MYH8: variants seen among roughly 807,000 people sequenced by gnomAD.
MYH8 encodes myosin heavy chain 8.
In MYH8, 168 loss-of-function variants were observed where a neutral mutation model predicts 233.2. The observed-to-expected ratio is 0.72, with a 90% confidence interval of 0.64 to 0.82. MYH8 has a LOEUF of 0.82. Ranked by LOEUF, MYH8 falls within the 40% of genes least tolerant of loss-of-function variation. The pLI is 0.00. For synonymous variants in MYH8, 785 were observed against 850.6 expected (o/e 0.92, Z 1.34); for missense variants, 1,995 against 2,327.8 (o/e 0.86, Z 2.94).
In MYH8 at chr17:10,398,902, A is replaced by G; in HGVS notation, c.3863-16T>C. On this transcript the variant is annotated splice_polypyrimidine_tract_variant and intron_variant, in intron 28 of 39. Coordinates refer to ENST00000403437, the MANE Select transcript of MYH8 (RefSeq NM_002472.3). ...GAATATTCACCTAGGAATAATAGAC[A>G]TAAGGGAATTTTTTACTGGCATAAA... 7 of 1,600,692 alleles carry G rather than the reference A, an allele frequency of 4.4e-6. No homozygotes were observed. The highest frequency in any genetic ancestry group is 1.1e-5 in the South Asian group (1 of 90,848).
intron 38 of MYH8, 152 bp downstream of exon 38, chr17:10,392,390 T>A: frequency 5.3e-6 from 4 of 755,502 alleles, no homozygotes; most frequent in Non-Finnish European, 9.3e-6. Flanking sequence ...TAAGTTTTAG[T>A]ATAGGTCTGT....
Position 10,400,383 on chromosome 17 carries a change from T to C in MYH8, c.3735+7A>G. On this transcript the variant is annotated splice_region_variant and intron_variant, in intron 27 of 39. Transcript: ENST00000403437. The surrounding 1 kb of genome is among the most constrained non-coding windows in gnomAD (Gnocchi z 4.0). Reference sequence around the variant, plus strand: ...GATTACCTTCATTTAGAGACAGTATTGGGTACCTTGGCTTTGGAAATGGCC... The same window carrying C: ...GATTACCTTCATTTAGAGACAGTATCGGGTACCTTGGCTTTGGAAATGGCC... The C allele has an allele frequency of 6.2e-7, 1 of 1,611,880 alleles. No homozygotes were observed. The highest frequency in any genetic ancestry group is 1.1e-5 in the South Asian group (1 of 91,074).
At chr17:10,410,372 A>G (rs2072233775) in intron 15 of MYH8, among the ~76,000 whole-genome samples, 1 of 152,216 alleles carries the variant, frequency 6.6e-6, no homozygotes, top group South Asian at 2.1e-4. Flanking sequence ...CTTGACTTTG[A>G]ACAGATTGGC....
At chr17:10,409,727 T>C (rs2072228436) in intron 15 of MYH8, 139 bp from the exon 16 acceptor site, 2 of 1,148,344 alleles carry the variant, frequency 1.7e-6, no homozygotes, top group Admixed American at 4.1e-5. Flanking sequence ...CTCGAAGAAG[T>C]CCCTTGTTAT....
chr17:10,394,326 G>T lies in MYH8; in HGVS notation c.5089C>A (p.Gln1697Lys). The stretch of plus-strand genomic sequence containing the variant: ...GCGATTTTCCTGCTTCTCTCTGTCT[G>T]TTCCAGAGTGGCCCACAGCTCCTCG... ...EIEELWATLEQTERSRKIAEQ... is the reference protein window; with the variant it reads ...EIEELWATLEKTERSRKIAEQ... The change falls in exon 35 of 40, where the codon CAG becomes AAG. Residue 1697 changes from glutamine (Q) to lysine (K), a missense_variant. By Grantham distance (53) the Gln-to-Lys change is moderately conservative (BLOSUM62 1). Coordinates refer to ENST00000403437, the MANE Select transcript of MYH8 (RefSeq NM_002472.3). 1 of 1,614,104 alleles carries T rather than the reference G, an allele frequency of 6.2e-7. No homozygotes were observed. Among genetic ancestry groups the T allele is most frequent in the Non-Finnish European group, 8.5e-7 (1 of 1,180,022 alleles).
In MYH8 at chr17:10,398,887, C is replaced by T. The variant is rs2072105082; in HGVS notation, c.3863-1G>A. 1 of 1,609,622 alleles carries T rather than the reference C, an allele frequency of 6.2e-7. No homozygotes were observed. Among genetic ancestry groups the T allele is most frequent in the East Asian group, 2.2e-5 (1 of 44,828 alleles). ...TCATCTAATTGTCGAGAATATTCAC[C>T]TAGGAATAATAGACATAAGGGAATT... On this transcript the variant is annotated splice_acceptor_variant, in intron 28 of 39. Transcript: ENST00000403437. LOFTEE classifies it high-confidence loss of function.
chr17:10,415,370 A>G lies in MYH8; in HGVS notation c.663T>C (p.Asp221=), dbSNP rs769365334. 2 of 1,614,146 alleles carry G rather than the reference A, an allele frequency of 1.2e-6. No individual in the cohort carries two copies. The highest frequency in any genetic ancestry group is 1.1e-5 in the South Asian group (1 of 91,082). The part of the protein sequence containing the change: ...ESGKMQGTLE[D]QIISANPLLE... ...GTAGGGGATTGGCGCTGATGATTTG[A>G]TCTTCCAGAGTCCCCTGCAAAGGAA... is the stretch of plus-strand genomic sequence containing the variant. Residue 221 remains aspartate, a synonymous_variant, in exon 8 of 40, where the codon GAT becomes GAC. Transcript: ENST00000403437. This position sits in a 1 kb window ranked among gnomAD's most constrained non-coding sequence, Gnocchi z 4.1.
At position 10,398,575 on chromosome 17, in the gene MYH8, C is replaced by G. The variant is rs148582560; in HGVS notation, c.4047G>C (p.Gln1349His). 2 of 1,614,218 alleles carry G rather than the reference C, an allele frequency of 1.2e-6. No homozygotes were observed. The highest frequency in any genetic ancestry group is 1.7e-6 in the Non-Finnish European group (2 of 1,180,034). The change falls in exon 30 of 40, where the codon CAG becomes CAC. Residue 1349 changes from glutamine (Q) to histidine (H), a missense_variant. By Grantham distance (24) the Gln-to-His change is conservative. This residue lies in a region of MYH8 where 1,498 missense variants were observed against 1,680.9 expected (regional missense o/e 0.89). Transcript: ENST00000403437. ...SRHDCDLLRE[Q>H]YEEEQEGKAE... ...CTTTGCCTTCCTGCTCTTCCTCATA[C>G]TGTTCCCGCAGCAGGTCGCAGTCAT...
At position 10,406,806 on chromosome 17, in the gene MYH8, C is replaced by T. The variant is rs761674430; in HGVS notation, c.2055G>A (p.Gly685=). 9.9e-5 allele frequency: 159 copies of T among 1,613,916 alleles called. No homozygotes were observed. Among genetic ancestry groups the T allele is most frequent in the Non-Finnish European group, 1.3e-4 (150 of 1,179,964 alleles). The change falls in exon 19 of 40, where the codon GGG becomes GGA. Residue 685 remains glycine, a splice_region_variant and synonymous_variant. Transcript: ENST00000403437. ...GCAACACAAGTTCATGTTCCATTGCCCCTAAAAATATAGAACAGTACTTAT... is the reference window on the plus strand; with the variant it reads ...GCAACACAAGTTCATGTTCCATTGCTCCTAAAAATATAGAACAGTACTTAT... ...CIIPNETKTP[G]AMEHELVLHQ...
At chr17:10,408,489 G>T (rs1324256874) in intron 17 of MYH8, among the ~76,000 whole-genome samples, 1 of 152,128 alleles carries the variant, frequency 6.6e-6, no homozygotes, top group Non-Finnish European at 1.5e-5. Context: ...TACACATTTT[G>T]ATTAAAAAGC....
chr17:10,391,978 C>A lies in MYH8; in HGVS notation c.5569-1G>T. On this transcript the variant is annotated splice_acceptor_variant, in intron 38 of 39. Coordinates refer to ENST00000403437, the MANE Select transcript of MYH8 (RefSeq NM_002472.3). LOFTEE classifies it high-confidence loss of function. ...GAACATTCTTGCGATCTTCTTCAGT[C>A]TGAAAGTTTGAAAAAAATAATCTGC... 6.2e-7 allele frequency: 1 copy of A among 1,613,496 alleles called. No individual in the cohort carries two copies. Among genetic ancestry groups the A allele is most frequent in the Non-Finnish European group, 8.5e-7 (1 of 1,179,458 alleles).
Position 10,400,847 on chromosome 17 carries a change from A to G in MYH8, c.3345+22T>C. On this transcript the variant is annotated intron_variant, in intron 26 of 39. Transcript: ENST00000403437. The surrounding 1 kb of genome is among the most constrained non-coding windows in gnomAD (Gnocchi z 4.0). ...TCAGTGTTTTTTTGGTGTGCAGAAA[A>G]AATAGAGGTGAGATGACTCACCTGC... 6.2e-7 allele frequency: 1 copy of G among 1,613,842 alleles called. No individual in the cohort carries two copies. Among genetic ancestry groups the G allele is most frequent in the Non-Finnish European group, 8.5e-7 (1 of 1,180,006 alleles).
chr17:10,412,912 T>C (rs549867826), intron 12 of MYH8, among the ~76,000 whole-genome samples, 184 bp from the exon 13 acceptor site: 1 of 152,364 alleles, frequency 6.6e-6, no homozygotes, highest in Non-Finnish European at 1.5e-5. Flanking sequence ...TTGGTTATAC[T>C]GATCTTTAGT....
chr17:10,392,643 G>T lies in MYH8; in HGVS notation c.5467C>A (p.Arg1823Ser). 2 of 1,614,050 alleles carry T rather than the reference G, an allele frequency of 1.2e-6. No individual in the cohort carries two copies. Among genetic ancestry groups the T allele is most frequent in the Non-Finnish European group, 1.7e-6 (2 of 1,180,008 alleles). Reference protein sequence around the residue: ...KQIQKLEARVRELEGEVENEQ... With the variant: ...KQIQKLEARVSELEGEVENEQ... The stretch of plus-strand genomic sequence containing the variant: ...TTTTCAACCTCTCCTTCAAGCTCAC[G>T]TACCTGCAGCCAAGAAAAATACTTA... Residue 1823 changes from arginine (R) to serine (S), a missense_variant, in exon 38 of 40, where the codon CGT (arginine) becomes AGT (serine). Transcript: ENST00000403437.
rs776006696 is a variant in MYH8, at chr17:10,399,544, C to T, written c.3861G>A (p.Ala1287=). The T allele has an allele frequency of 5.0e-6, 8 of 1,613,270 alleles. No homozygotes were observed. Among genetic ancestry groups the T allele is most frequent in the South Asian group, 1.1e-5 (1 of 91,034 alleles). The part of the protein sequence containing the change: ...TAQRARLQTE[A]GEYSRQLDEK... ...GGGACCCAGAGAAGATGTCTTTACC[C>T]GCTTCTGTCTGCAGGCGCGCTCTCT... The change falls in exon 28 of 40, where the codon GCG becomes GCA. Residue 1287 remains alanine (A), a splice_region_variant and synonymous_variant. Coordinates refer to ENST00000403437, the MANE Select transcript of MYH8 (RefSeq NM_002472.3).
In MYH8 at chr17:10,412,284, G is replaced by A. The variant is rs139281776; in HGVS notation, c.1416+86C>T. On this transcript the variant is annotated intron_variant, in intron 14 of 39. Transcript: ENST00000403437. ...CAGTGTTGGAGCAAGTAATATGGAC[G>A]CTATAAATGTGGATGAATAATGATA... is the stretch of plus-strand genomic sequence containing the variant. The A allele has an allele frequency of 5.7e-4, 914 of 1,612,828 alleles. 7 individuals are homozygous for A. In the East Asian group the frequency reaches 7.0e-3, roughly 12 times the overall value.
rs760980150 is a variant in MYH8, at chr17:10,418,677, A to T, written c.479T>A (p.Ile160Asn). Residue 160 changes from isoleucine (I) to asparagine (N), a missense_variant, in exon 5 of 40, where the codon ATC (isoleucine) becomes AAC (asparagine). By Grantham distance (149) the Ile-to-Asn change is moderately radical. Around this residue, in one of 3 missense-constraint regions of MYH8, gnomAD observed 479 missense variants for 600.9 expected, o/e 0.80. Coordinates refer to ENST00000403437, the MANE Select transcript of MYH8 (RefSeq NM_002472.3). ...CATGAACTGATAGGCATTGTCAGAG[A>T]TGGAGAAGATGTGGGGCGGGGCCTC... ...RQEAPPHIFS[I>N]SDNAYQFMLT... 99 of 1,613,808 alleles carry T rather than the reference A, an allele frequency of 6.1e-5. 1 individual carries two copies. In the Admixed American group the frequency reaches 1.6e-3, roughly 26 times the overall value.
intron 22 of MYH8, among the ~76,000 whole-genome samples, chr17:10,403,204 T>C (rs2072158846): frequency 6.6e-6 from 1 of 152,224 alleles, no homozygotes; most frequent in Admixed American, 6.5e-5. Flanking sequence ...CCATTCCATT[T>C]GTGGCCCTCT....
At chr17:10,405,948 A>G in intron 21 of MYH8, 93 bp downstream of exon 21, 1 of 1,488,460 alleles carries the variant, frequency 6.7e-7, no homozygotes, top group Non-Finnish European at 9.3e-7. Context: ...GAGAGGAACT[A>G]TTAGCCACCA....
Sources: allele counts gnomAD v4.1 joint callset (sites outside exome capture counted in the v4.1 genomes callset), GRCh38; gene constraint gnomAD v4.1.1; regional missense constraint gnomAD v4.1.1; non-coding constraint Gnocchi (gnomAD v3.1); transcripts MANE v1.5; gene names NCBI Gene and HGNC (gene_info 2026-07-23, HGNC 2026-07-21).